Variants in KCNH5 observed in about 807,000 individuals in gnomAD.
KCNH5 encodes voltage-gated delayed rectifier potassium channel KCNH5.
Under a neutral mutation model 96.1 loss-of-function variants are expected in KCNH5, and 46 were observed. The observed-to-expected ratio is 0.48, with a 90% CI of 0.38 to 0.61. The LOEUF (loss-of-function observed/expected upper bound fraction) is 0.61, where lower values mean the gene tolerates loss of function less well. Ranked by LOEUF, KCNH5 falls within the 20% of genes least tolerant of loss-of-function variation. The probability of loss-of-function intolerance (pLI) is 0.00; values close to 1 mark genes in which losing one functional copy is unlikely to be tolerated. For missense variants in KCNH5, 907 were observed against 1,225.8 expected, an observed-to-expected ratio of 0.74 and a Z score of 3.88; for synonymous variants, 439 against 449.8, an observed-to-expected ratio of 0.98 and a Z score of 0.30.
At chr14:62,799,724 T>TACACACAC (rs1409861114) in intron 9 of KCNH5, among the ~76,000 whole-genome samples, 7 of 104,366 alleles carry the variant, frequency 6.7e-5, no homozygotes, top group South Asian at 3.6e-4. Context: ...TATATATATA[T>TACACACAC]ATACACACAC....
At chr14:62,742,346 A>G (rs1371522402) in intron 10 of KCNH5, among the ~76,000 whole-genome samples, 1 of 152,244 alleles carries the variant, frequency 6.6e-6, no homozygotes, top group Non-Finnish European at 1.5e-5. Flanking sequence ...AACTTTCATA[A>G]CAACCAAAAG....
At chr14:62,853,458 T>TATATATATATATATATC (rs1555360129) in intron 7 of KCNH5, among the ~76,000 whole-genome samples, 21 of 43,938 alleles carry the variant, frequency 4.8e-4, no homozygotes, top group Non-Finnish European at 7.8e-4. Context: ...AGAATAATCA[T>TATATATATATATATATC]ATATATATAT....
chr14:62,988,622 T>C (rs1167471824), intron 4 of KCNH5, among the ~76,000 whole-genome samples: 3 of 151,834 alleles, frequency 2.0e-5, no homozygotes, highest in Non-Finnish European at 2.9e-5. Flanking sequence ...TCCTAGTAAT[T>C]AGAACAAAAA....
chr14:62,868,681 C>A (rs889402062), intron 7 of KCNH5, among the ~76,000 whole-genome samples: 1 of 152,108 alleles, frequency 6.6e-6, no homozygotes, highest in Admixed American at 6.6e-5. Context: ...TGTTATCCCT[C>A]CCCTATCCCC....
Position 63,027,938 on chromosome 14 carries a change from T to C in KCNH5, c.74-10984A>G, listed in dbSNP as rs141228377. On this transcript the variant is annotated intron_variant, in intron 1 of 10. Coordinates refer to ENST00000322893, the MANE Select transcript of KCNH5 (RefSeq NM_139318.5). ...TATACACAATACACAATTGAAAAAA[T>C]TTCTCAGACTACATTTACTCACTAC... Among the ~76,000 whole-genome samples, 428 of 152,088 alleles carry C rather than the reference T, an allele frequency of 2.8e-3. 2 individuals are homozygous for C. The highest frequency in any genetic ancestry group is 9.2e-3 in the African/African-American group (381 of 41,494).
chr14:63,022,767 T>C (rs1891452251), intron 1 of KCNH5, among the ~76,000 whole-genome samples: 1 of 152,176 alleles, frequency 6.6e-6, no homozygotes, highest in Non-Finnish European at 1.5e-5. Context: ...ATTTAGATCT[T>C]AACTCAATTG....
intron 10 of KCNH5, among the ~76,000 whole-genome samples, chr14:62,744,390 G>T (rs1483720423): frequency 1.3e-5 from 2 of 152,142 alleles, no homozygotes; most frequent in African/African-American, 4.8e-5. Flanking sequence ...AGCTTCAGAA[G>T]TGTCAGATAT....
chr14:62,896,891 A>T (rs1339498711), intron 7 of KCNH5, among the ~76,000 whole-genome samples: 1 of 152,186 alleles, frequency 6.6e-6, no homozygotes, highest in Non-Finnish European at 1.5e-5. Context: ...AATATTTTCA[A>T]CTTAACAATG....
chr14:63,001,930 T>C (rs1258921955), intron 3 of KCNH5, among the ~76,000 whole-genome samples: 1 of 152,172 alleles, frequency 6.6e-6, no homozygotes, highest in Non-Finnish European at 1.5e-5. Flanking sequence ...GCATTCCTCT[T>C]GGAGGAACAT....
At chr14:62,900,126 G>A (rs1257784106) in intron 7 of KCNH5, among the ~76,000 whole-genome samples, 1 of 152,068 alleles carries the variant, frequency 6.6e-6, no homozygotes, top group Non-Finnish European at 1.5e-5. Flanking sequence ...CCTGTTTGTT[G>A]ACCAAAAAAA....
At chr14:62,958,107 C>A (rs17100574) in intron 6 of KCNH5, among the ~76,000 whole-genome samples, 5,219 of 152,236 alleles carry the variant, frequency 0.034, 98 homozygotes, top group Non-Finnish European at 0.042. Context: ...CATCTTAATA[C>A]AACATTATCC....
intron 10 of KCNH5, among the ~76,000 whole-genome samples, chr14:62,724,812 C>G (rs1421668431): frequency 1.3e-5 from 2 of 152,164 alleles, no homozygotes; most frequent in East Asian, 3.8e-4. Flanking sequence ...GTATTAGAAG[C>G]CACACTGCCT....
intron 1 of KCNH5, among the ~76,000 whole-genome samples, chr14:63,043,061 T>C (rs182898529): frequency 1.4e-4 from 21 of 152,274 alleles, no homozygotes; most frequent in Admixed American, 1.4e-3. Flanking sequence ...GTAAAAAAGA[T>C]AAAATACTCA....
chr14:62,758,786 G>C (rs1885682891), intron 10 of KCNH5, among the ~76,000 whole-genome samples: 1 of 152,194 alleles, frequency 6.6e-6, no homozygotes, highest in Non-Finnish European at 1.5e-5. Context: ...ACAGCAATTG[G>C]TTGTAGGTTA....
chr14:62,936,692 A>G (rs1205098843), intron 7 of KCNH5, among the ~76,000 whole-genome samples: 1 of 119,834 alleles, frequency 8.3e-6, no homozygotes. Context: ...AAAAAAAAAA[A>G]AAAGGCCAGG....
At chr14:62,973,433 G>T (rs1890446086) in intron 6 of KCNH5, among the ~76,000 whole-genome samples, 1 of 152,122 alleles carries the variant, frequency 6.6e-6, no homozygotes, top group African/African-American at 2.4e-5. Flanking sequence ...AGGTCATGAG[G>T]GATCTGCCCT....
intron 1 of KCNH5, among the ~76,000 whole-genome samples, chr14:63,018,685 C>T (rs896381969): frequency 1.3e-5 from 2 of 151,968 alleles, no homozygotes; most frequent in South Asian, 4.1e-4. Context: ...ATCTTAAAAT[C>T]AAGTCTCTTC....
intron 8 of KCNH5, among the ~76,000 whole-genome samples, chr14:62,813,829 G>T (rs1886919935): frequency 6.6e-6 from 1 of 152,060 alleles, no homozygotes; most frequent in Non-Finnish European, 1.5e-5. Context: ...CTCTTTACAG[G>T]AATTTAATTC....
chr14:62,921,496 A>G (rs10137798), intron 7 of KCNH5, among the ~76,000 whole-genome samples: 107,842 of 152,000 alleles, frequency 0.71, 39,133 homozygotes, highest in East Asian at 0.99. Flanking sequence ...TAGAAATTGA[A>G]TGTGATGGAG....
Sources: allele counts gnomAD v4.1 joint callset (sites outside exome capture counted in the v4.1 genomes callset), GRCh38; gene constraint gnomAD v4.1.1; transcripts MANE v1.5; gene names NCBI Gene and HGNC (gene_info 2026-07-23, HGNC 2026-07-21).